Variants in HPSE2 observed in about 807,000 individuals in gnomAD.
The protein encoded by HPSE2 is heparanase 2 (inactive).
HPSE2 carries 38 observed loss-of-function variants against 60.5 expected under a neutral mutation model. That is an observed-to-expected ratio of 0.63 (90% CI 0.48 to 0.82). The LOEUF is 0.82. HPSE2 is among the 40% of genes least tolerant of loss of function. The pLI, the probability that HPSE2 is intolerant of heterozygous loss-of-function variation, is 0.00. For synonymous variants in HPSE2, 295 were observed against 293.2 expected (o/e 1.01, Z -0.06); for missense variants, 713 against 740.4 (o/e 0.96, Z 0.43).
At chr10:98,776,990 T>C (rs1565155723) in intron 3 of HPSE2, among the ~76,000 whole-genome samples, 1 of 152,188 alleles carries the variant, frequency 6.6e-6, no homozygotes, top group Non-Finnish European at 1.5e-5. Context: ...TTTGGTAAAA[T>C]GTAAACAATT....
chr10:99,186,098 A>C (rs1049265164), intron 2 of HPSE2, among the ~76,000 whole-genome samples: 1 of 143,848 alleles, frequency 7.0e-6, no homozygotes, highest in Admixed American at 7.1e-5. Flanking sequence ...TAAGCAGGAT[A>C]AATAACCACA....
At chr10:98,505,159 G>A (rs1403591841) in intron 9 of HPSE2, among the ~76,000 whole-genome samples, 5 of 152,140 alleles carry the variant, frequency 3.3e-5, no homozygotes, top group African/African-American at 7.2e-5. Context: ...TGAAATTCTT[G>A]TTCCTGTTTC....
At chr10:99,267,506 G>C in the HPSE2 span, among the ~76,000 whole-genome samples, 63 of 151,950 alleles carry the variant, frequency 4.1e-4, 1 homozygote, top group Non-Finnish European at 7.4e-5. Flanking sequence ...CAAACCTGCC[G>C]GGCATGGTGG....
At chr10:99,004,927 T>C (rs1202914352) in intron 3 of HPSE2, among the ~76,000 whole-genome samples, 2 of 152,176 alleles carry the variant, frequency 1.3e-5, no homozygotes, top group Non-Finnish European at 2.9e-5. Context: ...TACTCTTGGT[T>C]GGCAGGGTTT....
chr10:99,296,329 A>G, the HPSE2 span, among the ~76,000 whole-genome samples: 1 of 152,222 alleles, frequency 6.6e-6, no homozygotes. Flanking sequence ...AAACAGGGCC[A>G]GGGTGGAAGC....
chr10:98,808,953 A>T (rs1321355220), intron 3 of HPSE2, among the ~76,000 whole-genome samples: 2 of 152,146 alleles, frequency 1.3e-5, no homozygotes, highest in African/African-American at 4.8e-5. Flanking sequence ...TATTAAAACC[A>T]ATCCCCCAGC....
chr10:98,989,949 TA>T, intron 3 of HPSE2, among the ~76,000 whole-genome samples: 1 of 152,330 alleles, frequency 6.6e-6, no homozygotes, highest in Admixed American at 6.5e-5. Context: ...GTTTGTTTTT[TA>T]CTCATTTTGC....
intron 9 of HPSE2, among the ~76,000 whole-genome samples, chr10:98,511,555 G>GGGGTGTGT (rs1319662614): frequency 7.1e-6 from 1 of 140,734 alleles, no homozygotes; most frequent in Admixed American, 7.3e-5. Context: ...ACATAACTAT[G>GGGGTGTGT]GTGTGTGTGT....
intron 9 of HPSE2, among the ~76,000 whole-genome samples, chr10:98,523,866 C>T (rs1942876067): frequency 6.6e-6 from 1 of 152,168 alleles, no homozygotes; most frequent in African/African-American, 2.4e-5. Context: ...GCAGAGTCTC[C>T]TCCTATCTTC....
chr10:98,539,590 T>A (rs1433367436), intron 9 of HPSE2, among the ~76,000 whole-genome samples: 1 of 152,222 alleles, frequency 6.6e-6, no homozygotes, highest in East Asian at 1.9e-4. Flanking sequence ...TTTAGCATTT[T>A]ACTCAGATTA....
At chr10:98,986,185 A>G (rs1956343298) in intron 3 of HPSE2, among the ~76,000 whole-genome samples, 1 of 152,244 alleles carries the variant, frequency 6.6e-6, no homozygotes, top group Non-Finnish European at 1.5e-5. Context: ...TCAACAGAAT[A>G]AACATTCTTT....
intron 3 of HPSE2, among the ~76,000 whole-genome samples, chr10:98,887,955 A>G (rs931733213): frequency 6.6e-6 from 1 of 151,468 alleles, no homozygotes; most frequent in Non-Finnish European, 1.5e-5. Flanking sequence ...ATTAAAAATT[A>G]AAGAAAAGAA....
chr10:98,510,161 T>C (rs1942342600), intron 9 of HPSE2, among the ~76,000 whole-genome samples: 1 of 152,190 alleles, frequency 6.6e-6, no homozygotes, highest in Non-Finnish European at 1.5e-5. Flanking sequence ...ATCTAATGCA[T>C]ATTTTTGAAA....
Position 98,607,248 on chromosome 10 carries a change from T to C in HPSE2, c.1320+7656A>G, listed in dbSNP as rs551696323. Among the ~76,000 whole-genome samples the C allele has an allele frequency of 3.2e-4, 49 of 151,784 alleles. 1 individual carries two copies. The highest frequency in any genetic ancestry group is 8.3e-4 in the South Asian group (4 of 4,810). On this transcript the variant is annotated intron_variant, in intron 9 of 11. Coordinates refer to ENST00000370552, the MANE Select transcript of HPSE2 (RefSeq NM_021828.5). ...ACGTTGCTTCAAGGATGGCAAATCA[T>C]GTTCCTAAACTCAAGTGCAGCAAGA...
chr10:99,240,605 G>C (rs1341982809), upstream of HPSE2, among the ~76,000 whole-genome samples: 1 of 151,848 alleles, frequency 6.6e-6, no homozygotes, highest in Non-Finnish European at 1.5e-5. Flanking sequence ...GTGGAGACAG[G>C]GTTTCACCGT....
intron 9 of HPSE2, among the ~76,000 whole-genome samples, chr10:98,555,657 A>C (rs1351007184): frequency 1.3e-5 from 2 of 152,226 alleles, no homozygotes; most frequent in African/African-American, 4.8e-5. Flanking sequence ...TACTTTATAT[A>C]ATGAACATGT....
chr10:98,576,018 A>G (rs1354898839), intron 9 of HPSE2, among the ~76,000 whole-genome samples: 1 of 152,186 alleles, frequency 6.6e-6, no homozygotes, highest in Non-Finnish European at 1.5e-5. Context: ...TTAGCTAAAA[A>G]TTGAAATTGA....
intron 3 of HPSE2, among the ~76,000 whole-genome samples, chr10:98,793,011 T>C (rs1038199183): frequency 9.2e-5 from 14 of 152,208 alleles, no homozygotes; most frequent in Non-Finnish European, 1.9e-4. Context: ...AATTGGAATG[T>C]GAAATTTTTC....
intron 3 of HPSE2, among the ~76,000 whole-genome samples, chr10:99,043,653 T>C (rs959626316): frequency 5.3e-5 from 8 of 152,032 alleles, no homozygotes; most frequent in African/African-American, 9.7e-5. Flanking sequence ...AAAGATACAA[T>C]AGTAATTTTA....
Sources: gnomAD v4.1 joint callset for allele counts (sites outside exome capture counted in the v4.1 genomes callset) on GRCh38, gnomAD v4.1.1 for gene constraint, MANE v1.5 for transcripts, NCBI Gene and HGNC (gene_info 2026-07-23, HGNC 2026-07-21) for gene names.